The following NTAN1 variants were observed in gnomAD, a reference collection of about 807,000 sequenced individuals.
NTAN1 encodes N-terminal asparagine amidase, also known as protein N-terminal asparagine amidohydrolase.
In NTAN1, 32 loss-of-function variants were observed where a neutral mutation model predicts 41.9. That is an observed-to-expected ratio of 0.76 (90% CI 0.58 to 1.03). NTAN1 has a LOEUF of 1.03. NTAN1 is among the 50% of genes least tolerant of loss of function. NTAN1 has a pLI of 0.00. For synonymous variants in NTAN1, 140 were observed against 139.5 expected, an observed-to-expected ratio of 1.00 and a Z score of -0.03; for missense variants, 377 against 377.5, an observed-to-expected ratio of 1.00 and a Z score of 0.01.
At chr16:15,038,814 C>A in intron 8 of NTAN1, 127 bp from the exon 9 acceptor site, 1 of 592,252 alleles carries the variant, frequency 1.7e-6, no homozygotes. Context: ...AAACCTGTCT[C>A]AAATAACAAA....
chr16:15,051,408 A>G (rs1282171362), intron 1 of NTAN1, among the ~76,000 whole-genome samples: 1 of 152,184 alleles, frequency 6.6e-6, no homozygotes, highest in Non-Finnish European at 1.5e-5. Context: ...GCTGGAGTGC[A>G]GCGGCGAGAT....
intron 1 of NTAN1, among the ~76,000 whole-genome samples, chr16:15,050,368 G>A (rs551858515): frequency 2.0e-5 from 3 of 152,210 alleles, no homozygotes. Flanking sequence ...CAGTTTTGCA[G>A]TCTTAGTCTT....
intron 1 of NTAN1, chr16:15,055,647 C>T (rs1226041247): frequency 2.0e-5 from 7 of 347,810 alleles, no homozygotes; most frequent in African/African-American, 1.1e-4. Flanking sequence ...TTGGGCAAGT[C>T]ACCTAACCTC....
At position 15,039,261 on chromosome 16, in the gene NTAN1, G is replaced by A. The variant is rs144911207; in HGVS notation, c.640-574C>T. ...TCTGAATATCAACTAAACTAGGCCT[G>A]TTACACTCCTTGAGAAGTCCTAAAA... On this transcript the variant is annotated intron_variant, in intron 8 of 9. Coordinates refer to ENST00000287706, the MANE Select transcript of NTAN1 (RefSeq NM_173474.4). Among the ~76,000 whole-genome samples the A allele has an allele frequency of 1.2e-4, 18 of 152,286 alleles. No homozygotes were observed. The East Asian group carries it at 3.5e-3, about 29-fold the overall frequency.
In NTAN1 at chr16:15,037,865, A is replaced by AATAAGGTTTTATTTTGAAAGTCATTT; in HGVS notation, c.*140_*165dup. On this transcript the variant is annotated 3_prime_UTR_variant, in exon 10 of 10. Coordinates refer to ENST00000287706, the MANE Select transcript of NTAN1 (RefSeq NM_173474.4). ...AAGTCTCAACAAATGCCTTTGCCAA[A>AATAAGGTTTTATTTTGAAAGTCATTT]ATAAGGTTTTATTTTGAAAGTCATT... The AATAAGGTTTTATTTTGAAAGTCATTT allele has an allele frequency of 1.9e-6, 1 of 537,396 alleles. No individual in the cohort carries two copies. The highest frequency in any genetic ancestry group is 3.5e-5 in the Admixed American group (1 of 28,522). The allele number at this position is 537,396 out of a possible 1,614,324, so 33.3% of individuals were successfully genotyped here.
At chr16:15,051,076 T>C (rs1458849410) in intron 1 of NTAN1, among the ~76,000 whole-genome samples, 1 of 152,204 alleles carries the variant, frequency 6.6e-6, no homozygotes, top group Non-Finnish European at 1.5e-5. Flanking sequence ...GAATTCAGAA[T>C]TCCCTCTTGA....
chr16:15,047,352 C>G, intron 4 of NTAN1, 90 bp downstream of exon 4: 1 of 849,620 alleles, frequency 1.2e-6, no homozygotes, highest in East Asian at 2.4e-5. Context: ...GTGGTGGCAT[C>G]CTGTGTTCCC....
In NTAN1 at chr16:15,038,230, G is replaced by T; in HGVS notation, c.754-20C>A. ...AAGATTCTGAAAACACAAGATGGTGGGCATTAGAGAAGCCAACCTTACTGT... is the reference window on the plus strand; with the variant it reads ...AAGATTCTGAAAACACAAGATGGTGTGCATTAGAGAAGCCAACCTTACTGT... On this transcript the variant is annotated intron_variant, in intron 9 of 9. Transcript: ENST00000287706. 6.2e-7 allele frequency: 1 copy of T among 1,603,868 alleles called. No homozygotes were observed. The highest frequency in any genetic ancestry group is 8.5e-7 in the Non-Finnish European group (1 of 1,173,660).
intron 1 of NTAN1, among the ~76,000 whole-genome samples, chr16:15,052,035 A>G (rs1434720841): frequency 6.6e-6 from 1 of 151,862 alleles, no homozygotes; most frequent in African/African-American, 2.4e-5. Context: ...CTTTTCCCTC[A>G]GTCCCTCATC....
Position 15,038,128 on chromosome 16 carries a change from G to A in NTAN1, c.836C>T (p.Pro279Leu), listed in dbSNP as rs368972292. ...AGAAAACAGTGTGTGAGCTGGAGAT[G>A]GGTGTTTTTTTAAAAACATCAAGGT... ...RSTLMFLKKH[P>L]SPAHTLFSGN... The change falls in exon 10 of 10, where the codon CCA becomes CTA. Residue 279 changes from proline to leucine, a missense_variant. Transcript: ENST00000287706. 20 of 1,610,838 alleles carry A rather than the reference G, an allele frequency of 1.2e-5. No individual in the cohort carries two copies. Among genetic ancestry groups the A allele is most frequent in the African/African-American group, 6.7e-5 (5 of 74,834 alleles).
At position 15,037,896 on chromosome 16, in the gene NTAN1, A is replaced by AAAGT; in HGVS notation, c.*131_*134dup. The AAAGT allele has an allele frequency of 3.4e-6, 2 of 585,852 alleles. No homozygotes were observed. The highest frequency in any genetic ancestry group is 6.1e-6 in the Non-Finnish European group (2 of 329,610). 36.3% of individuals were successfully genotyped at this position (585,852 alleles called of 1,614,324 possible). The stretch of plus-strand genomic sequence containing the variant: ...GTTTTATTTTGAAAGTCATTTGATG[A>AAAGT]AAGTCATTTGAAAGACACTGAGGAG... On this transcript the variant is annotated 3_prime_UTR_variant, in exon 10 of 10. Transcript: ENST00000287706.
rs1428137594 is a variant in NTAN1 at position 15,037,977 on chromosome 16, C to G, written c.*54G>C. On this transcript the variant is annotated 3_prime_UTR_variant, in exon 10 of 10. Transcript: ENST00000287706. ...GATCCAGATCTGGATTCGTGCCAGC[C>G]CCACCAATGGTCTGTCAGGCCAAGA... is the stretch of plus-strand genomic sequence containing the variant. 7.3e-7 allele frequency: 1 copy of G among 1,376,082 alleles called. No individual in the cohort carries two copies. The highest frequency in any genetic ancestry group is 1.0e-6 in the Non-Finnish European group (1 of 978,566). 85.2% of individuals were successfully genotyped at this position (1,376,082 alleles called of 1,614,324 possible).
chr16:15,047,601 T>G, intron 3 of NTAN1, 51 bp from the exon 4 acceptor site: 1 of 1,335,938 alleles, frequency 7.5e-7, no homozygotes, highest in Non-Finnish European at 1.1e-6. Flanking sequence ...GCGAGTGCAG[T>G]GCGCAGGCCG....
intron 4 of NTAN1, 136 bp downstream of exon 4, chr16:15,047,306 C>T (rs1209288560): frequency 6.0e-6 from 4 of 666,570 alleles, no homozygotes; most frequent in African/African-American, 1.8e-5. Context: ...CACGTCGTGC[C>T]AGGTTCTGTT....
At chr16:15,047,740 A>G (rs2044133449) in intron 3 of NTAN1, 115 bp downstream of exon 3, 1 of 997,382 alleles carries the variant, frequency 1.0e-6, no homozygotes, top group African/African-American at 1.6e-5. Flanking sequence ...GACCAGAAAA[A>G]AGGTAAGCGG....
chr16:15,040,784 C>A (rs897522706), intron 7 of NTAN1, among the ~76,000 whole-genome samples: 3 of 152,156 alleles, frequency 2.0e-5, no homozygotes, highest in Non-Finnish European at 4.4e-5. Flanking sequence ...CAAAACCAGG[C>A]ACTTTCCCAG....
At position 15,038,648 on chromosome 16, in the gene NTAN1, T is replaced by C; in HGVS notation, c.679A>G (p.Ile227Val). The C allele has an allele frequency of 1.2e-6, 2 of 1,607,250 alleles. No homozygotes were observed. The highest frequency in any genetic ancestry group is 8.5e-7 in the Non-Finnish European group (1 of 1,174,414). The change falls in exon 9 of 10, where the codon ATA becomes GTA. Residue 227 changes from isoleucine (I) to valine (V), a missense_variant. Physicochemically the swap from Ile to Val is conservative, Grantham distance 29. Coordinates refer to ENST00000287706, the MANE Select transcript of NTAN1 (RefSeq NM_173474.4). The part of the protein sequence containing the change: ...IYDAETEQLR[I>V]GPYSWTPFPH... Reference sequence around the variant, plus strand: ...AATGGTGTCCAGGAGTACGGTCCTATACGAAGTTGTTCTGTCTCTGCATCA... The same window carrying C: ...AATGGTGTCCAGGAGTACGGTCCTACACGAAGTTGTTCTGTCTCTGCATCA...
intron 7 of NTAN1, 25 bp downstream of exon 7, chr16:15,041,043 C>A (rs2043792558): frequency 1.3e-6 from 2 of 1,549,374 alleles, no homozygotes; most frequent in East Asian, 2.2e-5. Flanking sequence ...AAGACTCCAA[C>A]CCACAAAAGA....
chr16:15,042,111 CTG>C (rs1184831116), intron 5 of NTAN1, among the ~76,000 whole-genome samples: 1 of 151,962 alleles, frequency 6.6e-6, no homozygotes, highest in East Asian at 1.9e-4. Context: ...AATCCTAACA[CTG>C]TTAATAATTA....
Sources: allele counts gnomAD v4.1 joint callset (sites outside exome capture counted in the v4.1 genomes callset), GRCh38; gene constraint gnomAD v4.1.1; transcripts MANE v1.5; gene names NCBI Gene and HGNC (gene_info 2026-07-23, HGNC 2026-07-21).